Variants in ZNF653 observed in about 807,000 individuals in gnomAD.
ZNF653 encodes zinc finger protein 653, also known as 67 kDa zinc finger protein.
ZNF653 carries 37 observed loss-of-function variants against 59.9 expected under a neutral mutation model. The ratio of observed to expected loss-of-function variants is 0.62; its 90% CI spans 0.48 to 0.81. ZNF653 has a LOEUF of 0.81. Ranked by LOEUF, ZNF653 falls within the 40% of genes least tolerant of loss-of-function variation. ZNF653 has a pLI of 0.00. For missense variants in ZNF653, 808 were observed against 881.1 expected, an observed-to-expected ratio of 0.92 and a Z score of 1.05; for synonymous variants, 435 against 371.8, an observed-to-expected ratio of 1.17 and a Z score of -1.96.
chr19:11,501,528 C>T (rs1438918787), intron 1 of ZNF653, among the ~76,000 whole-genome samples: 1 of 152,112 alleles, frequency 6.6e-6, no homozygotes, highest in Non-Finnish European at 1.5e-5. Context: ...CTCGCTGTCT[C>T]CATGTCCTCT....
At chr19:11,497,628 C>G (rs948870022) in intron 2 of ZNF653, among the ~76,000 whole-genome samples, 3 of 152,114 alleles carry the variant, frequency 2.0e-5, no homozygotes, top group Non-Finnish European at 4.4e-5. Flanking sequence ...CAGCCAAGTG[C>G]GAGGACAGCA....
intron 6 of ZNF653, 46 bp downstream of exon 6, chr19:11,486,723 T>G (rs2144933793): frequency 6.7e-7 from 1 of 1,497,030 alleles, no homozygotes; most frequent in South Asian, 1.2e-5. Flanking sequence ...TGCCATGGCC[T>G]GGGCCTTGTG....
chr19:11,483,833 C>G lies in ZNF653; in HGVS notation c.1697G>C (p.Arg566Pro). The G allele has an allele frequency of 3.2e-6, 5 of 1,568,372 alleles. No individual in the cohort carries two copies. Among genetic ancestry groups the G allele is most frequent in the Non-Finnish European group, 4.3e-6 (5 of 1,155,348 alleles). Reference sequence around the variant, plus strand: ...GTGCCAGTTGAGCGACGCGCGCTGCCGGCACTGGTAGCCACAGATCTCGCA... The same window carrying G: ...GTGCCAGTTGAGCGACGCGCGCTGCGGGCACTGGTAGCCACAGATCTCGCA... Reference protein sequence around the residue: ...LQCEICGYQCRQRASLNWHMK... With the variant: ...LQCEICGYQCPQRASLNWHMK... The change falls in exon 9 of 9, where the codon CGG (arginine) becomes CCG (proline). Residue 566 changes from arginine (R) to proline (P), a missense_variant. Arg to Pro is a moderately radical substitution (Grantham distance 103). Transcript: ENST00000293771.
rs765015796 is a variant in ZNF653 at position 11,495,990 on chromosome 19, G to C, written c.519C>G (p.Pro173=). 31 of 1,614,056 alleles carry C rather than the reference G, an allele frequency of 1.9e-5. No individual in the cohort carries two copies. The highest frequency in any genetic ancestry group is 2.5e-5 in the Non-Finnish European group (29 of 1,180,026). Residue 173 remains proline, a synonymous_variant, in exon 3 of 9, where the codon CCC becomes CCG. Transcript: ENST00000293771. The surrounding 1 kb of genome is among the most constrained non-coding windows in gnomAD (Gnocchi z 4.9). ...GHRYFQDLHS[P]LKPLSDSDPD... is the part of the protein sequence containing the mutation. Reference sequence around the variant, plus strand: ...GGTCTGAGTCGCTGAGGGGCTTCAGGGGCGAATGCAGGTCCTGGAAGTAGC... The same window carrying C: ...GGTCTGAGTCGCTGAGGGGCTTCAGCGGCGAATGCAGGTCCTGGAAGTAGC...
chr19:11,505,519 G>A lies in ZNF653; in HGVS notation c.268C>T (p.Leu90=), dbSNP rs1275128645. 1 of 1,512,280 alleles carries A rather than the reference G, an allele frequency of 6.6e-7. No homozygotes were observed. The highest frequency in any genetic ancestry group is 8.8e-7 in the Non-Finnish European group (1 of 1,142,620). The allele number at this position is 1,512,280 out of a possible 1,614,324, so 93.7% of individuals were successfully genotyped here. A position where few individuals can be genotyped will look rare whatever the true frequency, so the allele number is the denominator to read the frequency against. Residue 90 remains leucine, a synonymous_variant, in exon 1 of 9, where the codon CTG becomes TTG. Coordinates refer to ENST00000293771, the MANE Select transcript of ZNF653 (RefSeq NM_138783.4). ...CGGCCGCTCCGCTGGCCGCGCTCCA[G>A]AGAGATGAGGTAGGCGGCGAGCTTG... ...DAKLAAYLIS[L]ERGQRSGRHG...
intron 6 of ZNF653, 24 bp downstream of exon 6, chr19:11,486,745 G>A (rs1971469444): frequency 5.1e-6 from 8 of 1,578,234 alleles, no homozygotes; most frequent in Non-Finnish European, 6.0e-6. Context: ...GCCTGGCCCA[G>A]GCTGCTCCGG....
chr19:11,502,216 C>T (rs532662800), intron 1 of ZNF653, among the ~76,000 whole-genome samples: 9 of 152,076 alleles, frequency 5.9e-5, no homozygotes, highest in African/African-American at 1.9e-4. Flanking sequence ...CTCAGCCTCC[C>T]AAGCAGCTGC....
chr19:11,491,305 G>A (rs1971527257), intron 3 of ZNF653, among the ~76,000 whole-genome samples: 1 of 152,190 alleles, frequency 6.6e-6, no homozygotes, highest in Admixed American at 6.5e-5. Context: ...TCCCAAGGTT[G>A]AGTCTCCACT....
chr19:11,493,323 G>A (rs905765075), intron 3 of ZNF653, among the ~76,000 whole-genome samples: 4 of 152,070 alleles, frequency 2.6e-5, no homozygotes, highest in Non-Finnish European at 5.9e-5. Context: ...CTCCCAAAGT[G>A]CTGGGATTAC....
chr19:11,486,043 C>T (rs796599651), intron 6 of ZNF653, among the ~76,000 whole-genome samples: 3 of 152,110 alleles, frequency 2.0e-5, no homozygotes, highest in Admixed American at 6.5e-5. Context: ...TCCACCCCCC[C>T]GGGTTCACAC....
intron 3 of ZNF653, 125 bp from the exon 4 acceptor site, chr19:11,488,028 C>T: frequency 2.1e-6 from 2 of 949,956 alleles, no homozygotes; most frequent in Non-Finnish European, 2.6e-6. Context: ...CACTCTGTCA[C>T]CCAGGCTGGA....
chr19:11,484,150 G>A lies in ZNF653; in HGVS notation c.1571-9C>T, dbSNP rs1418242936. ...GGTGAATTCACGGACACCTGGGGGC[G>A]GTGGGGACCGAGGCTGAGGACGGTG... On this transcript the variant is annotated splice_polypyrimidine_tract_variant and intron_variant, in intron 7 of 8. Coordinates refer to ENST00000293771, the MANE Select transcript of ZNF653 (RefSeq NM_138783.4). 3 of 1,550,402 alleles carry A rather than the reference G, an allele frequency of 1.9e-6. No homozygotes were observed. The highest frequency in any genetic ancestry group is 8.7e-7 in the Non-Finnish European group (1 of 1,146,460).
chr19:11,484,142 C>G lies in ZNF653; in HGVS notation c.1571-1G>C. ...GTCTCGCAGGTGAATTCACGGACAC[C>G]TGGGGGCGGTGGGGACCGAGGCTGA... On this transcript the variant is annotated splice_acceptor_variant, in intron 7 of 8. Transcript: ENST00000293771. LOFTEE classifies it high-confidence loss of function. The G allele has an allele frequency of 6.4e-7, 1 of 1,552,026 alleles. No homozygotes were observed. Among genetic ancestry groups the G allele is most frequent in the Non-Finnish European group, 8.7e-7 (1 of 1,147,452 alleles).
rs766919734 is a variant in ZNF653, at chr19:11,487,716, G to C, written c.747C>G (p.His249Gln). 6.2e-7 allele frequency: 1 copy of C among 1,613,730 alleles called. No individual in the cohort carries two copies. The highest frequency in any genetic ancestry group is 8.5e-7 in the Non-Finnish European group (1 of 1,179,944). Residue 249 changes from histidine to glutamine, a missense_variant, in exon 4 of 9, where the codon CAC becomes CAG. By Grantham distance (24) the His-to-Gln change is conservative. Transcript: ENST00000293771. This position sits in a 1 kb window ranked among gnomAD's most constrained non-coding sequence, Gnocchi z 5.1. Reference protein sequence around the residue: ...QEGVHIPFDVHHVESLAEQGT... With the variant: ...QEGVHIPFDVQHVESLAEQGT... ...CCTGCTCGGCCAGGCTTTCCACGTG[G>C]TGGACGTCAAAGGGAATGTGCACGC...
Position 11,495,982 on chromosome 19 carries a change from G to A in ZNF653, c.527C>T (p.Pro176Leu), listed in dbSNP as rs377621177. ...YFQDLHSPLK[P>L]LSDSDPDSDK... ...ACTGTCAGGGTCTGAGTCGCTGAGG[G>A]GCTTCAGGGGCGAATGCAGGTCCTG... Residue 176 changes from proline (P) to leucine (L), a missense_variant, in exon 3 of 9, where the codon CCC becomes CTC. Transcript: ENST00000293771. The surrounding 1 kb of genome is among the most constrained non-coding windows in gnomAD (Gnocchi z 4.9). The A allele has an allele frequency of 3.1e-6, 5 of 1,614,180 alleles. No homozygotes were observed. Among genetic ancestry groups the A allele is most frequent in the Non-Finnish European group, 4.2e-6 (5 of 1,180,016 alleles).
chr19:11,501,965 T>C (rs776469230), intron 1 of ZNF653, among the ~76,000 whole-genome samples: 2 of 151,736 alleles, frequency 1.3e-5, no homozygotes, highest in Non-Finnish European at 2.9e-5. Context: ...CAGCTAATTT[T>C]TGTATTTTTA....
At chr19:11,486,038 C>G (rs1025748718) in intron 6 of ZNF653, among the ~76,000 whole-genome samples, 1 of 151,982 alleles carries the variant, frequency 6.6e-6, no homozygotes, top group African/African-American at 2.4e-5. Context: ...CAAGCTCCAC[C>G]CCCCCGGGTT....
intron 1 of ZNF653, among the ~76,000 whole-genome samples, chr19:11,499,559 G>T (rs1048321323): frequency 1.3e-5 from 2 of 150,060 alleles, no homozygotes; most frequent in Non-Finnish European, 3.0e-5. Context: ...GAAGCCAGGG[G>T]TTCAAGACCA....
rs779304394 is a variant in ZNF653 at position 11,505,587 on chromosome 19, C to A, written c.200G>T (p.Gly67Val). Residue 67 changes from glycine (G) to valine (V), a missense_variant, in exon 1 of 9, where the codon GGG becomes GTG. Transcript: ENST00000293771. ...GCGGCGCCGCAGGTCCACCCAGGGC[C>A]CGTGCGCCTCGCCCAGGTACACGCG... Reference protein sequence around the residue: ...VRRVYLGEAHGPWVDLRRRSG... With the variant: ...VRRVYLGEAHVPWVDLRRRSG... 1.3e-6 allele frequency: 2 copies of A among 1,510,440 alleles called. No homozygotes were observed. The highest frequency in any genetic ancestry group is 8.8e-7 in the Non-Finnish European group (1 of 1,137,562). The allele number at this position is 1,510,440 out of a possible 1,614,324, so 93.6% of individuals were successfully genotyped here. A position where few individuals can be genotyped will look rare whatever the true frequency, so the allele number is the denominator to read the frequency against.
Sources: allele counts gnomAD v4.1 joint callset (sites outside exome capture counted in the v4.1 genomes callset), GRCh38; gene constraint gnomAD v4.1.1; non-coding constraint Gnocchi (gnomAD v3.1); transcripts MANE v1.5; gene names NCBI Gene and HGNC (gene_info 2026-07-23, HGNC 2026-07-21).